Variants in EVC2 observed in about 807,000 individuals in gnomAD.
EVC2 encodes limbin.
In EVC2, 148 loss-of-function variants were observed where a neutral mutation model predicts 149.3. That is an observed-to-expected ratio of 0.99 (90% CI 0.87 to 1.14). The LOEUF is 1.14. Ranked by LOEUF, EVC2 falls within the 50% of genes most tolerant of loss-of-function variation. The pLI is 0.00. For synonymous variants in EVC2, 776 were observed against 649.9 expected (o/e 1.19, Z -2.95); for missense variants, 1,854 against 1,627.3 (o/e 1.14, Z -2.40).
chr4:5,552,791 G>A (rs1448796250), intron 21 of EVC2, among the ~76,000 whole-genome samples: 1 of 152,198 alleles, frequency 6.6e-6, no homozygotes, highest in Admixed American at 6.5e-5. Flanking sequence ...TTATGAGACA[G>A]AATACTGAAG....
intron 3 of EVC2, among the ~76,000 whole-genome samples, chr4:5,694,126 C>T (rs985986477): frequency 6.6e-6 from 1 of 152,242 alleles, no homozygotes; most frequent in East Asian, 1.9e-4. Context: ...GTCAAACCTC[C>T]TCTCCATCTA....
At chr4:5,663,366 G>T (rs1719033917) in intron 8 of EVC2, 120 bp from the exon 9 acceptor site, 3 of 1,335,856 alleles carry the variant, frequency 2.2e-6, no homozygotes, top group Non-Finnish European at 3.2e-6. Context: ...CCCCACCACT[G>T]TGACCACAGT....
intron 16 of EVC2, among the ~76,000 whole-genome samples, chr4:5,606,879 A>T (rs553389915): frequency 2.6e-5 from 4 of 152,184 alleles, no homozygotes; most frequent in Non-Finnish European, 5.9e-5. Context: ...AATGATGAGT[A>T]CGTTAAGGTG....
In EVC2 at chr4:5,574,693, A is replaced by G. The variant is rs1023226557; in HGVS notation, c.3352T>C (p.Cys1118Arg). The G allele has an allele frequency of 1.2e-6, 2 of 1,614,204 alleles. No individual in the cohort carries two copies. The highest frequency in any genetic ancestry group is 2.2e-5 in the East Asian group (1 of 44,886). ...TGCCAGTACCTTCTCACCTGGCTGC[A>G]CAGGGTTGCAAAGGTGTCTGCCTCC... ...NMEADTFATL[C>R]SQELRLASYL... is the part of the protein sequence containing the mutation. The change falls in exon 19 of 22, where the codon TGC (cysteine) becomes CGC (arginine). Residue 1118 changes from cysteine (C) to arginine (R), a missense_variant. Transcript: ENST00000344408.
chr4:5,708,203 TA>T, intron 1 of EVC2, 82 bp downstream of exon 1: 1 of 1,237,804 alleles, frequency 8.1e-7, no homozygotes, highest in Non-Finnish European at 1.1e-6. Context: ...TGCGAAATAC[TA>T]AGGGTCCTCC....
chr4:5,702,615 T>C (rs1363333954), intron 1 of EVC2, among the ~76,000 whole-genome samples: 1 of 152,222 alleles, frequency 6.6e-6, no homozygotes, highest in Non-Finnish European at 1.5e-5. Flanking sequence ...GCATATGAAA[T>C]GTTTAAGTTT....
rs1716056895 is a variant in EVC2 at position 5,625,730 on chromosome 4, A to G, written c.2046+19T>C. ...GAAAGTGCCTATGCAAAGAATAAAT[A>G]GCATCATGCCTTATATACCTTTTGT... On this transcript the variant is annotated intron_variant, in intron 13 of 21. Transcript: ENST00000344408. The surrounding 1 kb of genome is among the most constrained non-coding windows in gnomAD (Gnocchi z 4.0). The G allele has an allele frequency of 3.1e-6, 5 of 1,613,976 alleles. No homozygotes were observed. In the Admixed American group the frequency reaches 8.3e-5, roughly 27 times the overall value.
Position 5,618,523 on chromosome 4 carries a change from T to C in EVC2, c.2661A>G (p.Ala887=), listed in dbSNP as rs1428669516. The C allele has an allele frequency of 6.2e-7, 1 of 1,613,976 alleles. No homozygotes were observed. Among genetic ancestry groups the C allele is most frequent in the South Asian group, 1.1e-5 (1 of 91,060 alleles). The change falls in exon 15 of 22, where the codon GCA becomes GCG. Residue 887 remains alanine (A), a synonymous_variant. Coordinates refer to ENST00000344408, the MANE Select transcript of EVC2 (RefSeq NM_147127.5). The surrounding 1 kb of genome is among the most constrained non-coding windows in gnomAD (Gnocchi z 4.4). ...CGGCCTGGTCCAGCTTCACGAACTCTGCTTCTCGCCACGCAGTCTGAAATT... is the reference window on the plus strand; with the variant it reads ...CGGCCTGGTCCAGCTTCACGAACTCCGCTTCTCGCCACGCAGTCTGAAATT... ...LQQFQTAWRE[A]EFVKLDQAVA...
intron 1 of EVC2, among the ~76,000 whole-genome samples, chr4:5,698,647 T>C (rs985990944): frequency 2.6e-5 from 4 of 152,220 alleles, no homozygotes; most frequent in African/African-American, 9.7e-5. Flanking sequence ...TTACGCTATG[T>C]GCACTGAGTG....
chr4:5,589,419 G>A lies in EVC2; in HGVS notation c.2830-4569C>T, dbSNP rs569074075. 5.9e-5 allele frequency among the ~76,000 whole-genome samples: 9 copies of A among 152,284 alleles called. No homozygotes were observed. The South Asian group carries it at 1.9e-3, about 32-fold the overall frequency. On this transcript the variant is annotated intron_variant, in intron 16 of 21. Transcript: ENST00000344408. ...CAATTTTCTTCCATGGAAGTGCTGC[G>A]CAGGTCTCAGCAGAATACTCAAGAG... is the stretch of plus-strand genomic sequence containing the variant.
the EVC2 span, among the ~76,000 whole-genome samples, chr4:5,535,447 A>C: frequency 6.6e-6 from 1 of 152,140 alleles, no homozygotes; most frequent in African/African-American, 2.4e-5. This position sits in a 1 kb window ranked among gnomAD's most constrained non-coding sequence, Gnocchi z 4.7. Flanking sequence ...CTTCTGCTTT[A>C]GGGAGGCACA....
intron 9 of EVC2, among the ~76,000 whole-genome samples, chr4:5,661,334 G>C (rs763466897): frequency 6.6e-6 from 1 of 152,118 alleles, no homozygotes; most frequent in Non-Finnish European, 1.5e-5. Flanking sequence ...TCTCTGACTG[G>C]ATTAATATAA....
At chr4:5,607,735 T>C (rs900989758) in intron 16 of EVC2, among the ~76,000 whole-genome samples, 1 of 152,100 alleles carries the variant, frequency 6.6e-6, no homozygotes, top group Admixed American at 6.6e-5. Flanking sequence ...GGATTTTCTA[T>C]CTGAAAGCAG....
chr4:5,543,629 TG>T (rs1290940123), intron 21 of EVC2, among the ~76,000 whole-genome samples: 1 of 152,130 alleles, frequency 6.6e-6, no homozygotes, highest in Non-Finnish European at 1.5e-5. Flanking sequence ...AAGGGGCTGA[TG>T]GGAGTGTGTT....
intron 15 of EVC2, among the ~76,000 whole-genome samples, chr4:5,617,666 G>A (rs576961151): frequency 4.2e-4 from 64 of 152,330 alleles, no homozygotes; most frequent in Admixed American, 7.2e-4. Flanking sequence ...CAGGTGCTCA[G>A]GGAAGGCTTC....
chr4:5,630,625 G>C (rs1577181818), intron 11 of EVC2, among the ~76,000 whole-genome samples: 1 of 152,280 alleles, frequency 6.6e-6, no homozygotes, highest in South Asian at 2.1e-4. Context: ...AAAAAGCACT[G>C]CTCAAGAAGC....
intron 19 of EVC2, among the ~76,000 whole-genome samples, chr4:5,572,461 C>T (rs1295046232): frequency 2.0e-5 from 3 of 152,084 alleles, no homozygotes; most frequent in Non-Finnish European, 4.4e-5. Context: ...GCCCTTTTTG[C>T]CTTCCCATCC....
At chr4:5,694,018 G>A (rs1408430810) in intron 3 of EVC2, among the ~76,000 whole-genome samples, 1 of 152,172 alleles carries the variant, frequency 6.6e-6, no homozygotes, top group African/African-American at 2.4e-5. Flanking sequence ...CTGCTATTAT[G>A]GGCACAGTCA....
rs544902791 is a variant in EVC2, at chr4:5,637,328, G to A, written c.1470+3186C>T. 1.3e-5 allele frequency among the ~76,000 whole-genome samples: 2 copies of A among 152,256 alleles called. No individual in the cohort carries two copies. The highest frequency in any genetic ancestry group is 2.1e-4 in the South Asian group (1 of 4,824). ...GGGGGCAGTGTGCGCAGTGGTTGGG[G>A]GCATGCTGCTGGACATGAGGCTGAC... On this transcript the variant is annotated intron_variant, in intron 10 of 21. Transcript: ENST00000344408. This position sits in a 1 kb window ranked among gnomAD's most constrained non-coding sequence, Gnocchi z 4.4.
Sources: allele counts gnomAD v4.1 joint callset (sites outside exome capture counted in the v4.1 genomes callset), GRCh38; gene constraint gnomAD v4.1.1; non-coding constraint Gnocchi (gnomAD v3.1); transcripts MANE v1.5; gene names NCBI Gene and HGNC (gene_info 2026-07-23, HGNC 2026-07-21).